The following TAS2R1 variants were observed in gnomAD, a reference collection of about 807,000 sequenced individuals.
TAS2R1 encodes the protein taste 2 receptor member 1, also known as taste receptor type 2 member 1.
For synonymous variants in TAS2R1, 141 were observed against 134.2 expected (o/e 1.05, Z -0.35); for missense variants, 370 against 353.4 (o/e 1.05, Z -0.38).
the TAS2R1 span, among the ~76,000 whole-genome samples, chr5:9,881,911 G>GA: frequency 3.3e-5 from 5 of 152,176 alleles, no homozygotes; most frequent in Non-Finnish European, 5.9e-5. Context: ...AACCTTAGAA[G>GA]AAAATCTGGG....
intron 1 of TAS2R1, among the ~76,000 whole-genome samples, chr5:9,689,268 T>C (rs1225145098): frequency 6.6e-6 from 1 of 152,204 alleles, no homozygotes; most frequent in Non-Finnish European, 1.5e-5. Context: ...AATTTATCAC[T>C]ATTGTAAAAC....
the TAS2R1 span, among the ~76,000 whole-genome samples, chr5:9,717,519 A>C: frequency 0.013 from 1,910 of 152,276 alleles, 40 homozygotes; most frequent in African/African-American, 0.044. Flanking sequence ...ACAACACACA[A>C]GAATATCTAG....
the TAS2R1 span, among the ~76,000 whole-genome samples, chr5:9,745,055 T>C: frequency 6.6e-6 from 1 of 152,158 alleles, no homozygotes; most frequent in Non-Finnish European, 1.5e-5. Flanking sequence ...TTACTGTGGG[T>C]ACATTGAAGA....
chr5:9,729,309 G>A, the TAS2R1 span, among the ~76,000 whole-genome samples: 3 of 57,250 alleles, frequency 5.2e-5, no homozygotes, highest in Admixed American at 2.3e-4. Flanking sequence ...GGACAGTCAC[G>A]AATGAGGGTC....
the TAS2R1 span, among the ~76,000 whole-genome samples, chr5:9,878,404 A>G: frequency 2.6e-5 from 4 of 152,264 alleles, no homozygotes; most frequent in South Asian, 4.2e-4. Flanking sequence ...CCCTCACTAG[A>G]GCCTTGGGCT....
the TAS2R1 span, among the ~76,000 whole-genome samples, chr5:9,806,311 T>C: frequency 4.6e-5 from 7 of 152,148 alleles, no homozygotes; most frequent in African/African-American, 1.7e-4. Flanking sequence ...ATTGTGAAAA[T>C]GACCATACAG....
At chr5:9,631,686 CGT>C (rs1561364475), upstream of TAS2R1, among the ~76,000 whole-genome samples, 1 of 152,126 alleles carries the variant, frequency 6.6e-6, no homozygotes, top group Non-Finnish European at 1.5e-5. Context: ...TCTTAATGAA[CGT>C]GTGTTACTTT....
the TAS2R1 span, among the ~76,000 whole-genome samples, chr5:9,796,389 G>C: frequency 5.3e-5 from 8 of 152,120 alleles, no homozygotes; most frequent in Non-Finnish European, 8.8e-5. Flanking sequence ...AGAACCTATA[G>C]CTTCAGGGTA....
chr5:9,767,212 C>G, the TAS2R1 span, among the ~76,000 whole-genome samples: 1 of 151,896 alleles, frequency 6.6e-6, no homozygotes, highest in Non-Finnish European at 1.5e-5. Flanking sequence ...TGCCCTCCCC[C>G]GCAATCCCAC....
the TAS2R1 span, among the ~76,000 whole-genome samples, chr5:9,815,020 A>C: frequency 6.6e-6 from 1 of 152,262 alleles, no homozygotes. Context: ...AGCGAGGCAG[A>C]ATGGTGAACA....
the TAS2R1 span, among the ~76,000 whole-genome samples, chr5:9,800,353 T>C: frequency 6.6e-6 from 1 of 152,222 alleles, no homozygotes; most frequent in East Asian, 1.9e-4. Context: ...TTTAGCTTAG[T>C]CTTAGACCAG....
chr5:9,886,846 A>C, the TAS2R1 span, among the ~76,000 whole-genome samples: 6 of 152,074 alleles, frequency 3.9e-5, no homozygotes, highest in African/African-American at 1.4e-4. Context: ...TACATAACCA[A>C]CCTGCACATG....
chr5:9,838,073 C>CAG, the TAS2R1 span, among the ~76,000 whole-genome samples: 138 of 152,300 alleles, frequency 9.1e-4, no homozygotes, highest in African/African-American at 3.3e-3. Context: ...GGATGAAATG[C>CAG]AGAGACAACC....
the TAS2R1 span, among the ~76,000 whole-genome samples, chr5:9,768,667 C>A: frequency 2.6e-5 from 4 of 152,218 alleles, no homozygotes; most frequent in African/African-American, 9.6e-5. Flanking sequence ...AAACTCTTGG[C>A]ACTCACACTT....
At chr5:9,688,177 C>A (rs1741165191) in intron 1 of TAS2R1, among the ~76,000 whole-genome samples, 1 of 152,114 alleles carries the variant, frequency 6.6e-6, no homozygotes, top group Non-Finnish European at 1.5e-5. Context: ...AACCATAGAA[C>A]CCATGCGATT....
the TAS2R1 span, among the ~76,000 whole-genome samples, chr5:9,738,252 G>A: frequency 2.0e-5 from 3 of 152,252 alleles, no homozygotes; most frequent in South Asian, 6.2e-4. Context: ...ATAAGTCCAA[G>A]GGTAAGGCCC....
chr5:9,876,593 TG>T, the TAS2R1 span, among the ~76,000 whole-genome samples: 1 of 152,342 alleles, frequency 6.6e-6, no homozygotes, highest in East Asian at 1.9e-4. Context: ...CCTTTGCTGG[TG>T]GGGTTTTTAA....
the TAS2R1 span, among the ~76,000 whole-genome samples, chr5:9,794,228 G>T: frequency 6.6e-6 from 1 of 152,132 alleles, no homozygotes; most frequent in African/African-American, 2.4e-5. Flanking sequence ...CTTGTGGTTT[G>T]AATTTGAAAG....
chr5:9,747,929 G>A, the TAS2R1 span, among the ~76,000 whole-genome samples: 5 of 151,926 alleles, frequency 3.3e-5, no homozygotes, highest in South Asian at 1.0e-3. Context: ...CTGGGGAGCT[G>A]GGATGGGTCT....
Sources: allele counts gnomAD v4.1 joint callset (sites outside exome capture counted in the v4.1 genomes callset), GRCh38; gene constraint gnomAD v4.1.1; transcripts MANE v1.5; gene names NCBI Gene and HGNC (gene_info 2026-07-23, HGNC 2026-07-21).